RHBDF1: variants seen among roughly 807,000 people sequenced by gnomAD.
RHBDF1 encodes inactive rhomboid protein 1.
RHBDF1 carries 80 observed loss-of-function variants against 98.6 expected under a neutral mutation model. That is an observed-to-expected ratio of 0.81 (90% CI 0.68 to 0.98). The LOEUF (loss-of-function observed/expected upper bound fraction) is 0.98. Ranked by LOEUF, RHBDF1 falls within the 50% of genes least tolerant of loss-of-function variation. The probability of loss-of-function intolerance (pLI) is 0.00; values close to 1 mark genes in which losing one functional copy is unlikely to be tolerated. For missense variants in RHBDF1, 1,116 were observed against 1,198.3 expected, an observed-to-expected ratio of 0.93 and a Z score of 1.01; for synonymous variants, 512 against 486.8, an observed-to-expected ratio of 1.05 and a Z score of -0.68.
At position 67,148 on chromosome 16, in the gene RHBDF1, C is replaced by G. The variant is rs140725758; in HGVS notation, c.-24-2109G>C. Among the ~76,000 whole-genome samples, 1,045 of 152,304 alleles carry G rather than the reference C, an allele frequency of 6.9e-3. 15 individuals are homozygous for G. Among genetic ancestry groups the G allele is most frequent in the African/African-American group, 0.024 (1,008 of 41,550 alleles). ...AGGGGCCACCTCTGAGTCTCAGACA[C>G]TAAGGGTGGAATTTCAGACAGCATC... On this transcript the variant is annotated intron_variant, in intron 1 of 17. Transcript: ENST00000262316.
At chr16:59,539 G>T in intron 14 of RHBDF1, 45 bp from the exon 15 acceptor site, 1 of 1,583,292 alleles carries the variant, frequency 6.3e-7, no homozygotes, top group Non-Finnish European at 8.6e-7. Flanking sequence ...CTTGCAGAGG[G>T]GGATTGCTGG....
Position 61,749 on chromosome 16 carries a change from C to G in RHBDF1, c.1208+49G>C, listed in dbSNP as rs368233422. On this transcript the variant is annotated intron_variant, in intron 8 of 17. Coordinates refer to ENST00000262316, the MANE Select transcript of RHBDF1 (RefSeq NM_022450.5). ...TCATCCCCGACCCGGAGCCCCCACC[C>G]TCCCCCGGGAGCCTCCATCCCAACC... The G allele has an allele frequency of 3.7e-5, 59 of 1,612,110 alleles. No homozygotes were observed. The African/African-American group carries it at 4.9e-4, about 13-fold the overall frequency.
intron 1 of RHBDF1, among the ~76,000 whole-genome samples, chr16:67,900 AAC>A (rs1158764798): frequency 1.9e-4 from 29 of 152,274 alleles, no homozygotes; most frequent in African/African-American, 6.3e-4. Context: ...TGCAAGCAGG[AAC>A]AGTCAGGGGG....
chr16:67,380 G>T (rs537662816), intron 1 of RHBDF1, among the ~76,000 whole-genome samples: 21 of 152,288 alleles, frequency 1.4e-4, no homozygotes, highest in South Asian at 4.1e-4. Context: ...AATCCAGGGG[G>T]CCAGCCTCTC....
In RHBDF1 at chr16:58,760, C is replaced by A; in HGVS notation, c.2149-1G>T. ...CGAACTGGGAGCCAGCAGGACCCAC[C>A]TGGGGGATGGTTGGGGTAGCTGTAA... is the stretch of plus-strand genomic sequence containing the variant. On this transcript the variant is annotated splice_acceptor_variant, in intron 17 of 17. Transcript: ENST00000262316. LOFTEE classifies it high-confidence loss of function. 2 of 1,611,576 alleles carry A rather than the reference C, an allele frequency of 1.2e-6. No homozygotes were observed. The highest frequency in any genetic ancestry group is 8.5e-7 in the Non-Finnish European group (1 of 1,179,202).
chr16:62,601 T>C lies in RHBDF1; in HGVS notation c.890A>G (p.Glu297Gly), dbSNP rs1306257716. ...GGCCCCGCCGGTGAGGTCCGCCTGCTCCGGTGCCTTCTCCCAGTCCTTTAG... is the reference window on the plus strand; with the variant it reads ...GGCCCCGCCGGTGAGGTCCGCCTGCCCCGGTGCCTTCTCCCAGTCCTTTAG... ...AALKDWEKAP[E>G]QADLTGGALD... The change falls in exon 7 of 18, where the codon GAG becomes GGG. Residue 297 changes from glutamate to glycine, a missense_variant. Coordinates refer to ENST00000262316, the MANE Select transcript of RHBDF1 (RefSeq NM_022450.5). The C allele has an allele frequency of 1.2e-6, 2 of 1,613,640 alleles. No individual in the cohort carries two copies. The highest frequency in any genetic ancestry group is 8.5e-7 in the Non-Finnish European group (1 of 1,180,028).
At chr16:71,062 G>A (rs910181065) in intron 1 of RHBDF1, among the ~76,000 whole-genome samples, 1 of 152,210 alleles carries the variant, frequency 6.6e-6, no homozygotes. Context: ...CTGTAGCTGG[G>A]AAGATCCTAG....
intron 3 of RHBDF1, 162 bp downstream of exon 3, chr16:64,537 A>C (rs2562147): frequency 6.5e-7 from 1 of 1,544,370 alleles, no homozygotes; most frequent in East Asian, 2.3e-5. Context: ...GAGAGCGGTC[A>C]GTATCCAGAA....
Position 61,160 on chromosome 16 carries a change from T to C in RHBDF1, c.1517A>G (p.Asp506Gly), listed in dbSNP as rs945769241. Residue 506 changes from aspartate (D) to glycine (G), a missense_variant, in exon 11 of 18, where the codon GAC (aspartate) becomes GGC (glycine). By Grantham distance (94) the Asp-to-Gly change is moderately conservative. Transcript: ENST00000262316. ...EKHSACCVRN[D>G]RSGCVQTSEE... ...CGAGGTCTGCACGCAGCCCGACCTG[T>C]CGTTGCGCACGCAGCAGGCGGAGTG... is the stretch of plus-strand genomic sequence containing the variant. The C allele has an allele frequency of 6.5e-7, 1 of 1,539,156 alleles. No homozygotes were observed. The highest frequency in any genetic ancestry group is 2.0e-5 in the Admixed American group (1 of 50,922).
chr16:62,776 C>G lies in RHBDF1; in HGVS notation c.794G>C (p.Arg265Pro). 1 of 1,614,056 alleles carries G rather than the reference C, an allele frequency of 6.2e-7. No homozygotes were observed. The highest frequency in any genetic ancestry group is 8.5e-7 in the Non-Finnish European group (1 of 1,180,016). The change falls in exon 6 of 18, where the codon CGG becomes CCG. Residue 265 changes from arginine to proline, a missense_variant and splice_region_variant. Physicochemically the swap from Arg to Pro is moderately radical, Grantham distance 103 (BLOSUM62 -2). Transcript: ENST00000262316. ...PDELDTSFFA[R>P]EGILHEELST... ...GGGGACACCCCGGGCACTTCTTACC[C>G]GGGCAAAGAAGGATGTGTCCAGCTC...
chr16:68,502 C>T lies in RHBDF1; in HGVS notation c.-24-3463G>A, dbSNP rs1296893180. 2.6e-5 allele frequency among the ~76,000 whole-genome samples: 4 copies of T among 152,230 alleles called. No individual in the cohort carries two copies. In the South Asian group the frequency reaches 6.2e-4, roughly 24 times the overall value. On this transcript the variant is annotated intron_variant, in intron 1 of 17. Transcript: ENST00000262316. ...GATCCAAACAGTGTCTCCCCCACCC[C>T]GCTGACCCCTCAGTGTATGGGGAAA...
intron 3 of RHBDF1, 189 bp downstream of exon 3, chr16:64,510 G>A: frequency 6.5e-7 from 1 of 1,540,574 alleles, no homozygotes; most frequent in Non-Finnish European, 8.8e-7. Context: ...GAAGGGAGTG[G>A]AGCAGGGTAG....
chr16:70,985 G>A (rs1897953323), intron 1 of RHBDF1, among the ~76,000 whole-genome samples: 1 of 152,258 alleles, frequency 6.6e-6, no homozygotes, highest in Admixed American at 6.5e-5. Flanking sequence ...ACTGAGGTGG[G>A]GGAACTGGAG....
intron 11 of RHBDF1, chr16:60,746 C>T (rs1240292396): frequency 8.5e-6 from 5 of 584,894 alleles, no homozygotes; most frequent in Non-Finnish European, 1.5e-5. Flanking sequence ...CAGAAACAAC[C>T]TCTGTGTCCT....
Position 61,668 on chromosome 16 carries a change from C to T in RHBDF1, c.1237G>A (p.Val413Met), listed in dbSNP as rs1897630209. The T allele has an allele frequency of 6.2e-7, 1 of 1,613,450 alleles. No individual in the cohort carries two copies. Among genetic ancestry groups the T allele is most frequent in the East Asian group, 2.2e-5 (1 of 44,866 alleles). The stretch of plus-strand genomic sequence containing the variant: ...GCTAGGATGGTGACGAGCGAGTGCA[C>T]GAAGGTAAGCCAGTAGGTGAAGAAG... ...RPFFTYWLTFVHSLVTILAVC... is the reference protein window; with the variant it reads ...RPFFTYWLTFMHSLVTILAVC... Residue 413 changes from valine (V) to methionine (M), a missense_variant, in exon 9 of 18, where the codon GTG becomes ATG. Val to Met is a conservative substitution (Grantham distance 21, BLOSUM62 1). Coordinates refer to ENST00000262316, the MANE Select transcript of RHBDF1 (RefSeq NM_022450.5).
intron 7 of RHBDF1, 74 bp downstream of exon 7, chr16:62,463 GC>G: frequency 6.4e-7 from 1 of 1,554,216 alleles, no homozygotes; most frequent in Non-Finnish European, 8.7e-7. Flanking sequence ...AGAGGTGAAT[GC>G]CGATACTCGC....
intron 7 of RHBDF1, 112 bp from the exon 8 acceptor site, chr16:62,164 C>A: frequency 7.3e-7 from 1 of 1,365,606 alleles, no homozygotes; most frequent in South Asian, 1.5e-5. Flanking sequence ...CTGCGCAAGT[C>A]GCCCGGCATC....
intron 7 of RHBDF1, 77 bp from the exon 8 acceptor site, chr16:62,129 C>G: frequency 1.4e-6 from 2 of 1,426,232 alleles, no homozygotes; most frequent in South Asian, 3.0e-5. Flanking sequence ...CACCAGGGCA[C>G]CCTGTCTCTA....
chr16:61,529 G>A, intron 9 of RHBDF1, 56 bp downstream of exon 9: 3 of 1,611,498 alleles, frequency 1.9e-6, no homozygotes, highest in Admixed American at 1.7e-5. Flanking sequence ...GGGTCGGGAG[G>A]GGGTCCAGTG....
Sources: gnomAD v4.1 joint callset for allele counts (sites outside exome capture counted in the v4.1 genomes callset) on GRCh38, gnomAD v4.1.1 for gene constraint, MANE v1.5 for transcripts, NCBI Gene and HGNC (gene_info 2026-07-23, HGNC 2026-07-21) for gene names.